Variants in SDHB observed in about 807,000 individuals in gnomAD.
SDHB encodes succinate dehydrogenase complex iron sulfur subunit B, also known as succinate dehydrogenase [ubiquinone] iron-sulfur subunit, mitochondrial.
SDHB carries 21 observed loss-of-function variants against 39.7 expected under a neutral mutation model. That is an observed-to-expected ratio of 0.53 (90% CI 0.37 to 0.76). SDHB has a LOEUF of 0.76. Among genes scored for constraint, SDHB ranks in the 30% least tolerant of loss-of-function variants. The pLI is 0.00. For synonymous variants in SDHB, 118 were observed against 117.0 expected, an observed-to-expected ratio of 1.01 and a Z score of -0.06; for missense variants, 343 against 350.9, an observed-to-expected ratio of 0.98 and a Z score of 0.18.
chr1:17,039,784 A>T (rs1447489450), intron 2 of SDHB, among the ~76,000 whole-genome samples: 1 of 152,194 alleles, frequency 6.6e-6, no homozygotes, highest in South Asian at 2.1e-4. Context: ...CGCTATAGTT[A>T]TCATATGCCT....
chr1:17,026,786 G>A (rs2101520304), intron 5 of SDHB, among the ~76,000 whole-genome samples: 1 of 152,170 alleles, frequency 6.6e-6, no homozygotes, highest in Admixed American at 6.5e-5. Context: ...TCACATATAT[G>A]TATATGTTTT....
At chr1:17,043,225 T>C (rs2078091387) in intron 2 of SDHB, among the ~76,000 whole-genome samples, 1 of 152,152 alleles carries the variant, frequency 6.6e-6, no homozygotes, top group Non-Finnish European at 1.5e-5. Flanking sequence ...CTTCCCAAAG[T>C]GCTGGGATTA....
chr1:17,031,422 T>C (rs562600224), intron 3 of SDHB, among the ~76,000 whole-genome samples: 1 of 152,174 alleles, frequency 6.6e-6, no homozygotes, highest in African/African-American at 2.4e-5. Flanking sequence ...AATTCTGCTT[T>C]ATTTTTTTTA....
chr1:17,044,921 A>C (rs1324913241), intron 1 of SDHB, 33 bp from the exon 2 acceptor site: 44 of 1,601,574 alleles, frequency 2.7e-5, no homozygotes, highest in Admixed American at 1.0e-4. Context: ...AAAAGGAAAA[A>C]AAAATTAGAA....
At chr1:17,032,862 A>C (rs1360657166) in intron 3 of SDHB, 198 bp downstream of exon 3, 1 of 640,160 alleles carries the variant, frequency 1.6e-6, no homozygotes, top group Non-Finnish European at 2.8e-6. Context: ...CCTGAAGGAA[A>C]GTAAACTCAG....
intron 1 of SDHB, among the ~76,000 whole-genome samples, chr1:17,050,503 T>TA (rs1181941500): frequency 6.6e-6 from 1 of 151,618 alleles, no homozygotes; most frequent in Non-Finnish European, 1.5e-5. Context: ...ACAAAAAAAT[T>TA]AGACAGGCAC....
chr1:17,053,266 C>T (rs2078158612), intron 1 of SDHB, among the ~76,000 whole-genome samples: 1 of 152,158 alleles, frequency 6.6e-6, no homozygotes, highest in African/African-American at 2.4e-5. Context: ...ACCTGTCATT[C>T]CATGTCAACT....
At chr1:17,053,704 C>G (rs918825968) in intron 1 of SDHB, among the ~76,000 whole-genome samples, 1 of 151,822 alleles carries the variant, frequency 6.6e-6, no homozygotes. Context: ...TGAACGTCCC[C>G]CCCCCCCGCA....
intron 5 of SDHB, chr1:17,027,534 C>A (rs2077997847): frequency 3.6e-6 from 2 of 558,766 alleles, no homozygotes; most frequent in East Asian, 3.1e-5. Context: ...GCAGGCGGGG[C>A]ACAGGGCTCT....
At position 17,032,758 on chromosome 1, in the gene SDHB, A is replaced by G. The variant is rs938635482; in HGVS notation, c.286+302T>C. ...TCCCTTAATAAAAGAGCTCAGCAGC[A>G]TGGAAGGTGCCAGCCAGCAGGTCCT... On this transcript the variant is annotated intron_variant, in intron 3 of 7. Transcript: ENST00000375499. 1.3e-4 allele frequency: 59 copies of G among 447,468 alleles called. 1 individual carries two copies. Among genetic ancestry groups the G allele is most frequent in the Non-Finnish European group, 2.1e-4 (52 of 242,140 alleles). 27.7% of individuals were successfully genotyped at this position (447,468 alleles called of 1,614,324 possible).
intron 3 of SDHB, among the ~76,000 whole-genome samples, chr1:17,032,259 C>T (rs2078027578): frequency 6.7e-6 from 1 of 149,734 alleles, no homozygotes; most frequent in African/African-American, 2.5e-5. Context: ...AGTGCAGTGG[C>T]GTGATCTTGG....
chr1:17,036,129 G>A (rs2078049244), intron 2 of SDHB, among the ~76,000 whole-genome samples: 1 of 152,090 alleles, frequency 6.6e-6, no homozygotes, highest in South Asian at 2.1e-4. Context: ...AACTTCTGCA[G>A]AAAAGGCAGG....
intron 3 of SDHB, among the ~76,000 whole-genome samples, chr1:17,029,367 C>A (rs181825162): frequency 5.9e-5 from 9 of 151,962 alleles, no homozygotes; most frequent in Admixed American, 1.3e-4. Context: ...AAGTAATCTG[C>A]CTGCCTTGGC....
Position 17,024,135 on chromosome 1 carries a change from G to A in SDHB, c.541-61C>T. Reference sequence around the variant, plus strand: ...CGGGAGAGACTCTGCTATGTCTTCAGCTGATTAAATGTTACCTTTGGGGTC... The same window carrying A: ...CGGGAGAGACTCTGCTATGTCTTCAACTGATTAAATGTTACCTTTGGGGTC... On this transcript the variant is annotated intron_variant, in intron 5 of 7. Transcript: ENST00000375499. 4.2e-6 allele frequency: 5 copies of A among 1,191,368 alleles called. No individual in the cohort carries two copies. In the South Asian group the frequency reaches 6.2e-5, roughly 15 times the overall value. The allele number at this position is 1,191,368 out of a possible 1,614,324, so 73.8% of individuals were successfully genotyped here.
chr1:17,044,811 G>C lies in SDHB; in HGVS notation c.150C>G (p.Asp50Glu), dbSNP rs1570958024. 4.3e-6 allele frequency: 7 copies of C among 1,614,104 alleles called. No homozygotes were observed. The highest frequency in any genetic ancestry group is 5.9e-6 in the Non-Finnish European group (7 of 1,179,994). ...KKFAIYRWDP[D>E]KAGDKPHMQT... ...GCATATGAGGTTTGTCTCCAGCCTTGTCTGGGTCCCATCGATAGATGGCAA... is the reference window on the plus strand; with the variant it reads ...GCATATGAGGTTTGTCTCCAGCCTTCTCTGGGTCCCATCGATAGATGGCAA... Residue 50 changes from aspartate to glutamate, a missense_variant, in exon 2 of 8, where the codon GAC (aspartate) becomes GAG (glutamate). Physicochemically the swap from Asp to Glu is conservative, Grantham distance 45. Coordinates refer to ENST00000375499, the MANE Select transcript of SDHB (RefSeq NM_003000.3).
intron 2 of SDHB, among the ~76,000 whole-genome samples, chr1:17,039,415 C>CA (rs34561776): frequency 0.62 from 54,000 of 86,606 alleles, 15,306 homozygotes; most frequent in Middle Eastern, 0.7. Flanking sequence ...CCTGTCTCTA[C>CA]AAAAAAAAAA....
At chr1:17,047,505 C>T (rs1037436779) in intron 1 of SDHB, among the ~76,000 whole-genome samples, 5 of 151,566 alleles carry the variant, frequency 3.3e-5, no homozygotes, top group Admixed American at 1.3e-4. Flanking sequence ...GGTGAAACCC[C>T]GTCCCTACTA....
intron 6 of SDHB, 81 bp downstream of exon 6, chr1:17,023,892 G>T: frequency 9.4e-7 from 1 of 1,059,534 alleles, no homozygotes; most frequent in Non-Finnish European, 1.5e-6. Flanking sequence ...AGAATGGCTG[G>T]CTTACAGCAA....
intron 1 of SDHB, among the ~76,000 whole-genome samples, chr1:17,053,584 G>T (rs978043771): frequency 1.3e-5 from 2 of 152,038 alleles, no homozygotes; most frequent in Non-Finnish European, 1.5e-5. Flanking sequence ...CTACAGAGGC[G>T]ATAGTTTGGT....
Sources: allele counts gnomAD v4.1 joint callset (sites outside exome capture counted in the v4.1 genomes callset), GRCh38; gene constraint gnomAD v4.1.1; transcripts MANE v1.5; gene names NCBI Gene and HGNC (gene_info 2026-07-23, HGNC 2026-07-21).